The following CHD1L variants were observed in gnomAD, a reference collection of about 807,000 sequenced individuals.
CHD1L encodes the protein chromodomain helicase DNA binding protein 1 like.
A neutral mutation model predicts 115.9 loss-of-function variants in CHD1L; 118 were observed. The ratio of observed to expected loss-of-function variants is 1.02; its 90% CI spans 0.88 to 1.19. The LOEUF is 1.19. Ranked by LOEUF, CHD1L falls within the 50% of genes most tolerant of loss-of-function variation. The probability of loss-of-function intolerance (pLI) is 0.00; values close to 1 mark genes in which losing one functional copy is unlikely to be tolerated. For synonymous variants in CHD1L, 411 were observed against 387.1 expected (o/e 1.06, Z -0.72); for missense variants, 1,179 against 1,065.3 (o/e 1.11, Z -1.49).
chr1:147,211,221 G>A, the CHD1L span: 11 of 152,190 alleles, frequency 7.2e-5, no homozygotes, highest in African/African-American at 2.7e-4. Context: ...GAGCAGGTAA[G>A]GCCAAGCTCC....
chr1:147,252,628 C>T lies in CHD1L; in HGVS notation c.133C>T (p.His45Tyr), dbSNP rs945236631. ...DLRQWGLTGIHLRSYQLEGVN... is the reference protein window; with the variant it reads ...DLRQWGLTGIYLRSYQLEGVN... The stretch of plus-strand genomic sequence containing the variant: ...GCTGTATTTTTTGTTTCTAGGGATT[C>T]ACCTACGCTCTTACCAGCTGGAGGG... The change falls in exon 2 of 23, where the codon CAC becomes TAC. Residue 45 changes from histidine to tyrosine, a missense_variant. By Grantham distance (83) the His-to-Tyr change is moderately conservative (BLOSUM62 2). Transcript: ENST00000369258. The T allele has an allele frequency of 1.2e-6, 2 of 1,613,220 alleles. No homozygotes were observed. The highest frequency in any genetic ancestry group is 2.7e-5 in the African/African-American group (2 of 74,898).
chr1:147,259,581 C>A, intron 5 of CHD1L: 1 of 310,548 alleles, frequency 3.2e-6, no homozygotes. Context: ...CTTTTCCTTT[C>A]TGTCTCTGGC....
At chr1:147,236,369 T>C in the CHD1L span, among the ~76,000 whole-genome samples, 1 of 152,214 alleles carries the variant, frequency 6.6e-6, no homozygotes, top group Non-Finnish European at 1.5e-5. Flanking sequence ...TTCAGCCCTG[T>C]TTGTGTTACA....
chr1:147,270,243 T>A (rs1489930935), intron 10 of CHD1L, among the ~76,000 whole-genome samples: 1 of 152,240 alleles, frequency 6.6e-6, no homozygotes, highest in African/African-American at 2.4e-5. Context: ...TATGCAAATT[T>A]AAAATAACAG....
At chr1:147,295,387 G>T in intron 22 of CHD1L, 44 bp from the exon 23 acceptor site, 6 of 1,316,968 alleles carry the variant, frequency 4.6e-6, no homozygotes, top group Non-Finnish European at 5.5e-6. Context: ...TGGTAAAGTT[G>T]GTTTAAAGTG....
At chr1:147,178,163 C>T in the CHD1L span, 1 of 1,609,936 alleles carries the variant, frequency 6.2e-7, no homozygotes, top group East Asian at 2.2e-5. Context: ...CTGCTTCTCG[C>T]CGCGGCCCGC....
chr1:147,230,036 C>T, the CHD1L span, among the ~76,000 whole-genome samples: 25 of 106,616 alleles, frequency 2.3e-4, 3 homozygotes, highest in Non-Finnish European at 4.3e-4. Flanking sequence ...GCCAGAACTT[C>T]CAACAATATG....
the CHD1L span, among the ~76,000 whole-genome samples, chr1:147,227,791 C>G: frequency 1.3e-5 from 2 of 152,316 alleles, no homozygotes; most frequent in East Asian, 3.9e-4. Flanking sequence ...CTGCAAAGGT[C>G]CAACCCAGAA....
the CHD1L span, chr1:147,173,183 C>T: frequency 6.5e-6 from 1 of 153,548 alleles, no homozygotes; most frequent in Non-Finnish European, 1.4e-5. Context: ...CGCCGGAAGT[C>T]CCAGCTACTT....
rs1023070522 is a variant in CHD1L, at chr1:147,243,538, C to G, written c.127+708C>G. On this transcript the variant is annotated intron_variant, in intron 1 of 22. Transcript: ENST00000369258. The stretch of plus-strand genomic sequence containing the variant: ...AACCTTGCATGCCCCCCAGCCCTGC[C>G]GCTGCATGGCTGACCGTACTTCCTG... Among the ~76,000 whole-genome samples, 4 of 152,122 alleles carry G rather than the reference C, an allele frequency of 2.6e-5. No individual in the cohort carries two copies. The East Asian group carries it at 7.7e-4, about 29-fold the overall frequency.
At position 147,242,810 on chromosome 1, in the gene CHD1L, T is replaced by C; in HGVS notation, c.107T>C (p.Leu36Ser). The C allele has an allele frequency of 7.8e-7, 1 of 1,277,956 alleles. No individual in the cohort carries two copies. Among genetic ancestry groups the C allele is most frequent in the Non-Finnish European group, 9.9e-7 (1 of 1,005,296 alleles). 79.2% of individuals were successfully genotyped at this position (1,277,956 alleles called of 1,614,324 possible). ...GCGGCGCGGGTGCAGGAGCAGGACTTACGGCAGTGGGGGCTGACAGGTGAG... is the reference window on the plus strand; with the variant it reads ...GCGGCGCGGGTGCAGGAGCAGGACTCACGGCAGTGGGGGCTGACAGGTGAG... ...AEAARVQEQDLRQWGLTGIHL... is the reference protein window; with the variant it reads ...AEAARVQEQDSRQWGLTGIHL... The change falls in exon 1 of 23, where the codon TTA becomes TCA. Residue 36 changes from leucine (L) to serine (S), a missense_variant. Physicochemically the swap from Leu to Ser is moderately radical, Grantham distance 145. Transcript: ENST00000369258.
In CHD1L at chr1:147,293,711, A is replaced by T; in HGVS notation, c.2495A>T (p.Lys832Ile). 6.2e-7 allele frequency: 1 copy of T among 1,613,464 alleles called. No individual in the cohort carries two copies. The highest frequency in any genetic ancestry group is 8.5e-7 in the Non-Finnish European group (1 of 1,179,380). Residue 832 changes from lysine (K) to isoleucine (I), a missense_variant, in exon 21 of 23, where the codon AAA (lysine) becomes ATA (isoleucine). Physicochemically the swap from Lys to Ile is moderately radical, Grantham distance 102. Coordinates refer to ENST00000369258, the MANE Select transcript of CHD1L (RefSeq NM_004284.6). ...EGLKKIFLAA[K>I]KKKASVHLPR... Reference sequence around the variant, plus strand: ...CTGAAGAAGATATTTTTAGCAGCAAAAAAGAAGAAAGGTAAGCTCTTCCAC... The same window carrying T: ...CTGAAGAAGATATTTTTAGCAGCAATAAAGAAGAAAGGTAAGCTCTTCCAC...
chr1:147,288,325 T>TAAAAAAA (rs782063703), intron 19 of CHD1L, among the ~76,000 whole-genome samples: 5 of 89,998 alleles, frequency 5.6e-5, no homozygotes, highest in Admixed American at 1.5e-4. Context: ...CCTGTTTCAA[T>TAAAAAAA]AAAAAAAAAA....
the CHD1L span, among the ~76,000 whole-genome samples, chr1:147,202,000 C>G: frequency 1.3e-5 from 2 of 152,156 alleles, no homozygotes; most frequent in South Asian, 4.1e-4. Flanking sequence ...TAACTTGACT[C>G]TCACAAAACT....
At chr1:147,264,956 T>C (rs1312578367) in intron 7 of CHD1L, among the ~76,000 whole-genome samples, 1 of 152,246 alleles carries the variant, frequency 6.6e-6, no homozygotes, top group African/African-American at 2.4e-5. Flanking sequence ...CCCAAACTAC[T>C]GTTCAGCATA....
At chr1:147,294,551 C>G in intron 22 of CHD1L, 34 bp downstream of exon 22, 3 of 1,525,730 alleles carry the variant, frequency 2.0e-6, no homozygotes, top group Non-Finnish European at 2.7e-6. Context: ...TGTGTTCTCC[C>G]AACCCAAGAG....
intron 19 of CHD1L, among the ~76,000 whole-genome samples, chr1:147,288,112 G>A (rs1683968829): frequency 6.6e-6 from 1 of 151,946 alleles, no homozygotes; most frequent in Admixed American, 6.6e-5. Flanking sequence ...ATTGCTTGAG[G>A]CCAGGAGTTT....
intron 8 of CHD1L, among the ~76,000 whole-genome samples, chr1:147,266,372 C>G (rs1453891853): frequency 6.6e-6 from 1 of 152,206 alleles, no homozygotes. Flanking sequence ...CTTTCATCCT[C>G]CCACCCTGTC....
chr1:147,292,648 C>A (rs1186343622), intron 20 of CHD1L, among the ~76,000 whole-genome samples: 1 of 152,198 alleles, frequency 6.6e-6, no homozygotes, highest in Non-Finnish European at 1.5e-5. Context: ...CTGCTGGGGG[C>A]TTCAGGAAGC....
Sources: allele counts gnomAD v4.1 joint callset (sites outside exome capture counted in the v4.1 genomes callset), GRCh38; gene constraint gnomAD v4.1.1; transcripts MANE v1.5; gene names NCBI Gene and HGNC (gene_info 2026-07-23, HGNC 2026-07-21).